Variants in ASTN2 observed in about 807,000 individuals in gnomAD.
ASTN2 encodes the protein astrotactin 2.
Under a neutral mutation model 139.8 loss-of-function variants are expected in ASTN2, and 54 were observed. The ratio of observed to expected loss-of-function variants is 0.39; its 90% CI spans 0.31 to 0.48. The LOEUF (loss-of-function observed/expected upper bound fraction) is 0.48. ASTN2 is among the 20% of genes least tolerant of loss of function. The pLI is 0.95. For missense variants in ASTN2, 1,565 were observed against 1,725.1 expected (o/e 0.91, Z 1.64); for synonymous variants, 756 against 719.5 (o/e 1.05, Z -0.81).
In ASTN2 at chr9:117,049,414, A is replaced by G. The variant is rs181436415; in HGVS notation, c.1277-9449T>C. Among the ~76,000 whole-genome samples, 663 of 152,308 alleles carry G rather than the reference A, an allele frequency of 4.4e-3. 5 individuals are homozygous for G. The highest frequency in any genetic ancestry group is 5.1e-3 in the Non-Finnish European group (349 of 68,026). ...ATTCAGCCGAATGTTTCCCTAAAGT[A>G]TTAAGACATTGCAGAACCACCATTC... On this transcript the variant is annotated intron_variant, in intron 5 of 22. Transcript: ENST00000313400.
chr9:117,284,040 C>A (rs1332717720), intron 2 of ASTN2, among the ~76,000 whole-genome samples: 2 of 152,162 alleles, frequency 1.3e-5, no homozygotes, highest in Admixed American at 1.3e-4. Context: ...CCTCCAAAAG[C>A]AATATGTTAA....
At chr9:117,390,655 G>A (rs1830516807) in intron 1 of ASTN2, among the ~76,000 whole-genome samples, 1 of 152,080 alleles carries the variant, frequency 6.6e-6, no homozygotes, top group South Asian at 2.1e-4. Flanking sequence ...GCTCCTCCAT[G>A]TCTTTTTGCT....
At chr9:116,997,868 A>T (rs1837070282) in intron 7 of ASTN2, among the ~76,000 whole-genome samples, 1 of 152,152 alleles carries the variant, frequency 6.6e-6, no homozygotes. Context: ...ACTTCTTGAT[A>T]TCTCACCAAA....
At chr9:117,008,398 C>A in intron 6 of ASTN2, 139 bp from the exon 7 acceptor site, 1 of 680,360 alleles carries the variant, frequency 1.5e-6, no homozygotes, top group South Asian at 3.3e-5. Flanking sequence ...TGCAATGTGC[C>A]CGTCATGGTG....
intron 5 of ASTN2, among the ~76,000 whole-genome samples, chr9:117,071,264 C>A (rs1234548563): frequency 6.6e-6 from 1 of 151,190 alleles, no homozygotes; most frequent in Non-Finnish European, 1.5e-5. Flanking sequence ...GTTGGAATAC[C>A]CTGCCGTGTG....
At chr9:117,009,369 C>T (rs13291845) in intron 6 of ASTN2, among the ~76,000 whole-genome samples, 16,752 of 152,142 alleles carry the variant, frequency 0.11, 1,146 homozygotes, top group Non-Finnish European at 0.15. Flanking sequence ...AGATATTCCA[C>T]ATACATGCAC....
intron 10 of ASTN2, among the ~76,000 whole-genome samples, chr9:116,938,212 T>G (rs1835129374): frequency 6.6e-6 from 1 of 152,198 alleles, no homozygotes; most frequent in Non-Finnish European, 1.5e-5. Flanking sequence ...GCAATCATTT[T>G]TATGCATGCC....
At chr9:117,104,113 C>T (rs1314781734) in intron 4 of ASTN2, among the ~76,000 whole-genome samples, 4 of 152,164 alleles carry the variant, frequency 2.6e-5, no homozygotes, top group Non-Finnish European at 5.9e-5. Flanking sequence ...TTTGTCTGAT[C>T]CCCCAGGGAA....
At chr9:116,819,623 GT>G (rs1831428751) in intron 12 of ASTN2, among the ~76,000 whole-genome samples, 1 of 152,192 alleles carries the variant, frequency 6.6e-6, no homozygotes, top group Non-Finnish European at 1.5e-5. Flanking sequence ...GACTGAAAAT[GT>G]TGTTACATGT....
chr9:116,531,819 A>T (rs548682333), intron 19 of ASTN2, among the ~76,000 whole-genome samples: 1 of 152,254 alleles, frequency 6.6e-6, no homozygotes, highest in East Asian at 1.9e-4. Context: ...AGTGCCGCAG[A>T]AAACATACGT....
chr9:116,660,168 G>GCGCACACACACA (rs139281552), intron 16 of ASTN2, among the ~76,000 whole-genome samples: 63 of 146,686 alleles, frequency 4.3e-4, no homozygotes, highest in Non-Finnish European at 6.2e-4. Flanking sequence ...TATTGCAAGC[G>GCGCACACACACA]CACACACACA....
At chr9:117,362,465 G>A (rs1829719208) in intron 1 of ASTN2, among the ~76,000 whole-genome samples, 1 of 152,134 alleles carries the variant, frequency 6.6e-6, no homozygotes, top group African/African-American at 2.4e-5. Context: ...CAGTGGGCAG[G>A]TAAGGGAGAG....
At chr9:116,724,273 A>G (rs1588240984) in intron 16 of ASTN2, among the ~76,000 whole-genome samples, 1 of 152,200 alleles carries the variant, frequency 6.6e-6, no homozygotes, top group East Asian at 1.9e-4. Context: ...TATTGATTTA[A>G]TGCACTTCCT....
At chr9:117,317,433 G>A (rs562374029) in intron 1 of ASTN2, among the ~76,000 whole-genome samples, 2 of 152,308 alleles carry the variant, frequency 1.3e-5, no homozygotes, top group East Asian at 3.9e-4. Context: ...GCCTGGGAAG[G>A]AAGTAGCAGC....
chr9:117,058,000 A>G (rs1195333241), intron 5 of ASTN2, among the ~76,000 whole-genome samples: 1 of 152,190 alleles, frequency 6.6e-6, no homozygotes, highest in Non-Finnish European at 1.5e-5. Context: ...TGTTGTTTTT[A>G]TAGTCTAATT....
At chr9:116,781,071 C>T (rs975523773) in intron 13 of ASTN2, among the ~76,000 whole-genome samples, 33 of 152,078 alleles carry the variant, frequency 2.2e-4, no homozygotes, top group African/African-American at 7.7e-4. Flanking sequence ...AACTCCTGAC[C>T]TCAGGTGATC....
At chr9:117,213,067 G>T (rs190542367) in intron 3 of ASTN2, among the ~76,000 whole-genome samples, 208 of 152,204 alleles carry the variant, frequency 1.4e-3, no homozygotes, top group African/African-American at 4.9e-3. Flanking sequence ...ATAAAGAAAA[G>T]GTGGTATGTA....
intron 1 of ASTN2, among the ~76,000 whole-genome samples, chr9:117,314,299 C>G (rs747422160): frequency 2.0e-5 from 3 of 151,672 alleles, no homozygotes; most frequent in Non-Finnish European, 2.9e-5. Flanking sequence ...CAAGCAGCAT[C>G]CTGGGAGGAA....
At chr9:117,328,867 A>T (rs1182588694) in intron 1 of ASTN2, among the ~76,000 whole-genome samples, 1 of 152,232 alleles carries the variant, frequency 6.6e-6, no homozygotes, top group Admixed American at 6.5e-5. Flanking sequence ...GGTGACGGAG[A>T]GCCATCTCAT....
Sources: gnomAD v4.1 joint callset for allele counts (sites outside exome capture counted in the v4.1 genomes callset) on GRCh38, gnomAD v4.1.1 for gene constraint, MANE v1.5 for transcripts, NCBI Gene and HGNC (gene_info 2026-07-23, HGNC 2026-07-21) for gene names.